PTPRQ: variants seen among roughly 807,000 people sequenced by gnomAD.
PTPRQ encodes the protein protein tyrosine phosphatase receptor type Q, also known as phosphatidylinositol phosphatase PTPRQ.
Under a neutral mutation model 246.0 loss-of-function variants are expected in PTPRQ, and 199 were observed. The observed-to-expected ratio is 0.81, with a 90% confidence interval of 0.72 to 0.91. PTPRQ has a LOEUF of 0.91. PTPRQ is among the 40% of genes least tolerant of loss of function. The probability of loss-of-function intolerance (pLI) is 0.00; values close to 1 mark genes in which losing one functional copy is unlikely to be tolerated. For synonymous variants in PTPRQ, 869 were observed against 853.2 expected (o/e 1.02, Z -0.32); for missense variants, 2,624 against 2,528.4 (o/e 1.04, Z -0.81).
intron 25 of PTPRQ, among the ~76,000 whole-genome samples, chr12:80,584,658 C>T (rs760165043): frequency 1.2e-4 from 18 of 152,136 alleles, no homozygotes; most frequent in Non-Finnish European, 2.1e-4. Context: ...TCACATCACC[C>T]TCTCTTCCAT....
intron 25 of PTPRQ, among the ~76,000 whole-genome samples, chr12:80,576,719 G>A (rs987463584): frequency 6.6e-6 from 1 of 150,896 alleles, no homozygotes; most frequent in Non-Finnish European, 1.5e-5. Flanking sequence ...TTCATCTCTG[G>A]TGTTTTGATA....
chr12:80,514,402 A>ACACACACACACACT (rs552667526), intron 17 of PTPRQ, among the ~76,000 whole-genome samples: 22 of 113,022 alleles, frequency 1.9e-4, no homozygotes, highest in South Asian at 9.7e-4. Context: ...ACACACACAC[A>ACACACACACACACT]CTCTCTCTCT....
intron 3 of PTPRQ, among the ~76,000 whole-genome samples, chr12:80,448,763 C>A (rs1278488633): frequency 6.7e-6 from 1 of 148,640 alleles, no homozygotes; most frequent in Non-Finnish European, 1.5e-5. Context: ...TTTTCTTAAT[C>A]CAGTCTATCA....
At chr12:80,448,124 C>A (rs900849076) in intron 3 of PTPRQ, among the ~76,000 whole-genome samples, 1 of 151,780 alleles carries the variant, frequency 6.6e-6, no homozygotes, top group African/African-American at 2.4e-5. Context: ...AAATGTATTC[C>A]TAGATATTTT....
chr12:80,506,359 A>G (rs1476007551), intron 15 of PTPRQ, among the ~76,000 whole-genome samples, 153 bp downstream of exon 15: 1 of 151,946 alleles, frequency 6.6e-6, no homozygotes, highest in Non-Finnish European at 1.5e-5. Context: ...ATTGCAGGTC[A>G]CATGAAAGAA....
intron 27 of PTPRQ, among the ~76,000 whole-genome samples, chr12:80,608,052 AAGG>A (rs1898394758): frequency 6.6e-6 from 1 of 150,830 alleles, no homozygotes; most frequent in African/African-American, 2.4e-5. Context: ...ATAGAAGATA[AAGG>A]AGACTTCATA....
At chr12:80,605,797 T>C (rs1366954746) in intron 27 of PTPRQ, among the ~76,000 whole-genome samples, 1 of 151,114 alleles carries the variant, frequency 6.6e-6, no homozygotes, top group Admixed American at 6.6e-5. Flanking sequence ...AGGCTGACTA[T>C]ACAACAAGTT....
intron 6 of PTPRQ, among the ~76,000 whole-genome samples, chr12:80,465,949 A>T (rs75744637): frequency 0.46 from 69,492 of 151,962 alleles, 18,851 homozygotes; most frequent in South Asian, 0.63. Flanking sequence ...CTGGCACAAG[A>T]CAGGGATGCC....
chr12:80,540,037 T>A (rs934761811), intron 20 of PTPRQ, 93 bp downstream of exon 20: 2 of 1,115,824 alleles, frequency 1.8e-6, no homozygotes, highest in African/African-American at 3.3e-5. Context: ...TGTAATAACA[T>A]CTTTTATTTA....
chr12:80,532,937 A>G (rs1177519151), intron 17 of PTPRQ, among the ~76,000 whole-genome samples: 2 of 152,198 alleles, frequency 1.3e-5, no homozygotes, highest in African/African-American at 4.8e-5. Flanking sequence ...CCCTTACTTC[A>G]TTTAAAATTT....
chr12:80,478,816 A>AG (rs1205114915), intron 8 of PTPRQ, among the ~76,000 whole-genome samples: 1 of 152,224 alleles, frequency 6.6e-6, no homozygotes, highest in African/African-American at 2.4e-5. Flanking sequence ...CGAGAAGGGA[A>AG]GTTTAGAGAA....
intron 33 of PTPRQ, among the ~76,000 whole-genome samples, chr12:80,627,998 C>T (rs1042412460): frequency 4.6e-5 from 7 of 151,964 alleles, no homozygotes; most frequent in Non-Finnish European, 8.8e-5. Context: ...TTGGCCAGTG[C>T]TTTGAAATGG....
At chr12:80,610,798 T>A (rs1014705562) in intron 28 of PTPRQ, among the ~76,000 whole-genome samples, 173 bp downstream of exon 28, 11 of 150,430 alleles carry the variant, frequency 7.3e-5, no homozygotes, top group African/African-American at 2.7e-4. Context: ...CTATTTATAT[T>A]TTTGAGGTAA....
intron 25 of PTPRQ, among the ~76,000 whole-genome samples, chr12:80,568,076 GATT>G (rs1309997340): frequency 6.6e-6 from 1 of 152,106 alleles, no homozygotes; most frequent in East Asian, 1.9e-4. Context: ...ACTAAAAAAT[GATT>G]ATAGAAACTG....
chr12:80,541,833 A>G lies in PTPRQ; in HGVS notation c.3433A>G (p.Thr1145Ala), dbSNP rs1232317658. Residue 1145 changes from threonine (T) to alanine (A), a missense_variant, in exon 21 of 45, where the codon ACT (threonine) becomes GCT (alanine). Physicochemically the swap from Thr to Ala is moderately conservative, Grantham distance 58. Coordinates refer to ENST00000644991, the MANE Select transcript of PTPRQ (RefSeq NM_001145026.2). The stretch of plus-strand genomic sequence containing the variant: ...CTATACTGCCCAGCTATACATCAAG[A>G]CTGAAGAAGATGGTAGGCTAGACCC... ...DTYTAQLYIKTEEDVPETSPI... is the reference protein window; with the variant it reads ...DTYTAQLYIKAEEDVPETSPI... 1.6e-5 allele frequency: 25 copies of G among 1,542,302 alleles called. No individual in the cohort carries two copies. The highest frequency in any genetic ancestry group is 2.2e-5 in the Non-Finnish European group (25 of 1,143,446).
intron 8 of PTPRQ, among the ~76,000 whole-genome samples, chr12:80,481,357 T>C (rs1262980913): frequency 6.6e-6 from 1 of 152,120 alleles, no homozygotes; most frequent in East Asian, 1.9e-4. Context: ...ATAAATTAGG[T>C]ATTGATGGGA....
At chr12:80,490,896 A>C (rs1204934587) in intron 9 of PTPRQ, among the ~76,000 whole-genome samples, 1 of 151,844 alleles carries the variant, frequency 6.6e-6, no homozygotes, top group Non-Finnish European at 1.5e-5. Flanking sequence ...CATTATGAAA[A>C]CTTAACTATC....
intron 17 of PTPRQ, among the ~76,000 whole-genome samples, chr12:80,518,529 T>G (rs897894681): frequency 5.9e-5 from 9 of 152,162 alleles, no homozygotes; most frequent in African/African-American, 2.2e-4. Context: ...TTGCCTATGC[T>G]TGTGGGGTAT....
At chr12:80,588,858 A>G (rs1327061434) in intron 26 of PTPRQ, among the ~76,000 whole-genome samples, 1 of 152,030 alleles carries the variant, frequency 6.6e-6, no homozygotes, top group African/African-American at 2.4e-5. Flanking sequence ...CTTCAAACTT[A>G]CACACACACA....
Sources: allele counts gnomAD v4.1 joint callset (sites outside exome capture counted in the v4.1 genomes callset), GRCh38; gene constraint gnomAD v4.1.1; transcripts MANE v1.5; gene names NCBI Gene and HGNC (gene_info 2026-07-23, HGNC 2026-07-21).